The following MYO16 variants were observed in gnomAD, a reference collection of about 807,000 sequenced individuals.
MYO16 encodes myosin XVI.
MYO16 carries 94 observed loss-of-function variants against 205.3 expected under a neutral mutation model. The observed-to-expected ratio is 0.46, with a 90% CI of 0.39 to 0.54. MYO16 has a LOEUF of 0.54. Ranked by LOEUF, MYO16 falls within the 20% of genes least tolerant of loss-of-function variation. The pLI, the probability that MYO16 is intolerant of heterozygous loss-of-function variation, is 0.00. For synonymous variants in MYO16, 988 were observed against 954.0 expected (o/e 1.04, Z -0.66); for missense variants, 2,315 against 2,387.5 (o/e 0.97, Z 0.63).
At chr13:108,658,589 T>C (rs970701984) in intron 1 of MYO16, among the ~76,000 whole-genome samples, 2 of 152,180 alleles carry the variant, frequency 1.3e-5, no homozygotes, top group South Asian at 2.1e-4. Context: ...GTGATGGATC[T>C]CCTTTCATCA....
chr13:109,114,693 A>G (rs963291521), intron 28 of MYO16, among the ~76,000 whole-genome samples: 8 of 152,210 alleles, frequency 5.3e-5, no homozygotes, highest in African/African-American at 1.2e-4. Flanking sequence ...CCAATTTTCT[A>G]TGTCTCCATA....
chr13:108,710,891 T>C (rs1262106867), intron 2 of MYO16, among the ~76,000 whole-genome samples: 1 of 152,240 alleles, frequency 6.6e-6, no homozygotes, highest in Non-Finnish European at 1.5e-5. Context: ...ATTAGTTAAT[T>C]CATGATGGAT....
rs567624869 is a variant in MYO16, at chr13:108,918,726, G to A, written c.1925+8576G>A. Among the ~76,000 whole-genome samples, 4 of 152,306 alleles carry A rather than the reference G, an allele frequency of 2.6e-5. 1 individual carries two copies. Among genetic ancestry groups the A allele is most frequent in the African/African-American group, 9.6e-5 (4 of 41,572 alleles). ...GGCCGAGGCGGGCAGATCACCAGAGGTCCGGAGTTCGAGACCAACCTGGCC... is the reference window on the plus strand; with the variant it reads ...GGCCGAGGCGGGCAGATCACCAGAGATCCGGAGTTCGAGACCAACCTGGCC... On this transcript the variant is annotated intron_variant, in intron 16 of 34. Coordinates refer to ENST00000457511, the MANE Select transcript of MYO16 (RefSeq NM_001198950.3).
At chr13:108,554,848 TAAAAAAAAAA>T in the MYO16 span, among the ~76,000 whole-genome samples, 2 of 77,968 alleles carry the variant, frequency 2.6e-5, no homozygotes, top group African/African-American at 8.6e-5. Flanking sequence ...AGACTCTGAC[TAAAAAAAAAA>T]AAAAAAAAAA....
intron 4 of MYO16, among the ~76,000 whole-genome samples, chr13:108,736,767 A>T (rs540294375): frequency 0.014 from 2,126 of 152,212 alleles, 22 homozygotes; most frequent in Middle Eastern, 0.041. Context: ...GATTCTTCCT[A>T]TCCATGAGCA....
intron 10 of MYO16, among the ~76,000 whole-genome samples, chr13:108,853,596 A>ATTTT (rs35080410): frequency 1.5e-5 from 2 of 130,276 alleles, no homozygotes; most frequent in Non-Finnish European, 1.6e-5. Flanking sequence ...TGAGATCTAG[A>ATTTT]TTTTTTTTTT....
Position 108,980,967 on chromosome 13 carries a change from G to T in MYO16, c.2370-11409G>T, listed in dbSNP as rs374228773. ...GGCCCAAATCACACAGCCAGAAAAT[G>T]ATGGGCTAGGGATATGAACCCCAGT... On this transcript the variant is annotated intron_variant, in intron 20 of 34. Coordinates refer to ENST00000457511, the MANE Select transcript of MYO16 (RefSeq NM_001198950.3). Among the ~76,000 whole-genome samples, 15 of 152,292 alleles carry T rather than the reference G, an allele frequency of 9.8e-5. No individual in the cohort carries two copies. In the East Asian group the frequency reaches 2.7e-3, roughly 27 times the overall value.
chr13:108,825,775 T>C (rs1450873957), intron 9 of MYO16, among the ~76,000 whole-genome samples: 3 of 151,868 alleles, frequency 2.0e-5, no homozygotes, highest in Admixed American at 1.3e-4. Flanking sequence ...ACAATCTGTA[T>C]TTCTATACAC....
At chr13:108,850,048 T>G (rs187932640) in intron 10 of MYO16, among the ~76,000 whole-genome samples, 29 of 150,738 alleles carry the variant, frequency 1.9e-4, no homozygotes, top group African/African-American at 6.4e-4. Flanking sequence ...TCCTCTTTTT[T>G]TGTGTGTGTA....
chr13:108,619,999 C>A (rs1206567593), intron 1 of MYO16, among the ~76,000 whole-genome samples: 1 of 152,152 alleles, frequency 6.6e-6, no homozygotes, highest in Non-Finnish European at 1.5e-5. Context: ...ATGGTGGACT[C>A]TGTAGCCTGA....
At chr13:108,709,062 A>T (rs1441795514) in intron 2 of MYO16, among the ~76,000 whole-genome samples, 2 of 150,972 alleles carry the variant, frequency 1.3e-5, no homozygotes. Flanking sequence ...ACAAATATAC[A>T]ATAAATGCTG....
chr13:108,688,835 G>T (rs1056726816), intron 2 of MYO16, among the ~76,000 whole-genome samples: 2 of 152,256 alleles, frequency 1.3e-5, no homozygotes, highest in African/African-American at 4.8e-5. Flanking sequence ...AGTTACAAAA[G>T]TCACACAGTG....
chr13:108,867,126 T>C (rs61971380), intron 12 of MYO16, among the ~76,000 whole-genome samples: 13,049 of 151,762 alleles, frequency 0.086, 721 homozygotes, highest in Non-Finnish European at 0.12. Context: ...GGTGGATCAC[T>C]TGAGGCCAGG....
Position 109,127,520 on chromosome 13 carries a change from C to G in MYO16, c.4021C>G (p.Leu1341Val). ...SASYEAVSAC[L>V]SAAREAANEA... ...TTCCTATGAGGCTGTGAGCGCCTGCCTCTCCGCGGCCAGGGAAGCGGCCAA... is the reference window on the plus strand; with the variant it reads ...TTCCTATGAGGCTGTGAGCGCCTGCGTCTCCGCGGCCAGGGAAGCGGCCAA... Residue 1341 changes from leucine (L) to valine (V), a missense_variant, in exon 31 of 35, where the codon CTC (leucine) becomes GTC (valine). By Grantham distance (32) the Leu-to-Val change is conservative. This residue lies in a region of MYO16 where 1,097 missense variants were observed against 1,092.0 expected (regional missense o/e 1.00). Transcript: ENST00000457511. This position sits in a 1 kb window ranked among gnomAD's most constrained non-coding sequence, Gnocchi z 4.2. The G allele has an allele frequency of 6.2e-7, 1 of 1,612,472 alleles. No individual in the cohort carries two copies.
chr13:108,966,442 A>C (rs1883796032), intron 20 of MYO16, among the ~76,000 whole-genome samples: 1 of 152,226 alleles, frequency 6.6e-6, no homozygotes, highest in Admixed American at 6.5e-5. Flanking sequence ...GGAAATACTT[A>C]TATAATGGTC....
chr13:108,994,094 A>G (rs985588684), intron 21 of MYO16, among the ~76,000 whole-genome samples: 1 of 152,166 alleles, frequency 6.6e-6, no homozygotes, highest in Non-Finnish European at 1.5e-5. Context: ...TATTTATTTT[A>G]CTACAATTAT....
At chr13:108,922,804 CTT>C (rs1881808592) in intron 16 of MYO16, among the ~76,000 whole-genome samples, 2 of 152,200 alleles carry the variant, frequency 1.3e-5, no homozygotes, top group Non-Finnish European at 2.9e-5. Flanking sequence ...GGAATTAGCA[CTT>C]TGAATCTAAT....
chr13:109,154,025 G>T (rs570362737), intron 32 of MYO16, among the ~76,000 whole-genome samples: 4 of 152,238 alleles, frequency 2.6e-5, no homozygotes, highest in Non-Finnish European at 2.9e-5. Flanking sequence ...AGTCACTCCA[G>T]CCAATCTACC....
At position 108,947,329 on chromosome 13, in the gene MYO16, G is replaced by A. The variant is rs1454302872; in HGVS notation, c.1926-10359G>A. On this transcript the variant is annotated intron_variant, in intron 16 of 34. Transcript: ENST00000457511. ...CCTCGCCTGCGGCATATTTCTGTGT[G>A]CATGCGCGCTGCCCTCTTCCTGTAC... 3.3e-5 allele frequency among the ~76,000 whole-genome samples: 5 copies of A among 152,228 alleles called. No homozygotes were observed. In the East Asian group the frequency reaches 9.7e-4, roughly 29 times the overall value.
Sources: allele counts gnomAD v4.1 joint callset (sites outside exome capture counted in the v4.1 genomes callset), GRCh38; gene constraint gnomAD v4.1.1; regional missense constraint gnomAD v4.1.1; non-coding constraint Gnocchi (gnomAD v3.1); transcripts MANE v1.5; gene names NCBI Gene and HGNC (gene_info 2026-07-23, HGNC 2026-07-21).